Variants in GTF3C3 observed in about 807,000 individuals in gnomAD.
GTF3C3 encodes the protein general transcription factor IIIC subunit 3.
A neutral mutation model predicts 105.2 loss-of-function variants in GTF3C3; 75 were observed. The ratio of observed to expected loss-of-function variants is 0.71; its 90% CI spans 0.59 to 0.86. The LOEUF (loss-of-function observed/expected upper bound fraction) is 0.86, where lower values mean the gene tolerates loss of function less well. Among genes scored for constraint, GTF3C3 ranks in the 40% least tolerant of loss-of-function variants. The pLI is 0.00. For synonymous variants in GTF3C3, 335 were observed against 370.4 expected (o/e 0.90, Z 1.10); for missense variants, 856 against 1,076.5 (o/e 0.80, Z 2.87).
At chr2:196,764,770 G>A (rs1036618954) in intron 17 of GTF3C3, 85 bp from the exon 18 acceptor site, 1 of 1,237,514 alleles carries the variant, frequency 8.1e-7, no homozygotes, top group South Asian at 1.5e-5. Flanking sequence ...TTTTATAAGT[G>A]TAAGTAAGTT....
intron 17 of GTF3C3, among the ~76,000 whole-genome samples, chr2:196,765,256 A>C (rs1674850921): frequency 6.6e-6 from 1 of 152,192 alleles, no homozygotes. Flanking sequence ...CAATGAATTC[A>C]ATGGACTAGA....
At chr2:196,788,801 A>G (rs1046085818) in intron 6 of GTF3C3, among the ~76,000 whole-genome samples, 2 of 152,182 alleles carry the variant, frequency 1.3e-5, no homozygotes, top group Non-Finnish European at 2.9e-5. Flanking sequence ...ACGGTGGCTC[A>G]TATGTGTAAT....
chr2:196,766,917 C>T (rs1699079035), intron 16 of GTF3C3, 200 bp from the exon 17 acceptor site: 2 of 371,400 alleles, frequency 5.4e-6, no homozygotes, highest in Admixed American at 4.4e-5. Context: ...TTTTTTTTAG[C>T]TAGGGATAAA....
intron 13 of GTF3C3, 68 bp from the exon 14 acceptor site, chr2:196,773,221 C>T (rs1223372382): frequency 1.2e-6 from 1 of 863,322 alleles, no homozygotes; most frequent in Non-Finnish European, 1.9e-6. Flanking sequence ...TAGAAAAATT[C>T]ACATCATCAA....
intron 13 of GTF3C3, 114 bp from the exon 14 acceptor site, chr2:196,773,267 GTTGCCA>G (rs1373580229): frequency 4.3e-6 from 3 of 696,764 alleles, no homozygotes; most frequent in Non-Finnish European, 7.6e-6. Flanking sequence ...AGCCTAAATT[GTTGCCA>G]GTGCTCTCCG....
At position 196,782,940 on chromosome 2, in the gene GTF3C3, T is replaced by G. The variant is rs1296497453; in HGVS notation, c.1114+1917A>C. On this transcript the variant is annotated intron_variant, in intron 8 of 17. Coordinates refer to ENST00000263956, the MANE Select transcript of GTF3C3 (RefSeq NM_012086.5). The stretch of plus-strand genomic sequence containing the variant: ...ATCTTTTAAAAAGCTTGTCTTTGTG[T>G]CACTGATACTTTATTCTCCTGAACT... 2.0e-5 allele frequency among the ~76,000 whole-genome samples: 3 copies of G among 152,208 alleles called. No individual in the cohort carries two copies. The South Asian group carries it at 6.2e-4, about 32-fold the overall frequency.
At chr2:196,766,010 C>CAAAAAAAAAAAAAAAAAAAA (rs11424716) in intron 17 of GTF3C3, among the ~76,000 whole-genome samples, 1 of 87,172 alleles carries the variant, frequency 1.1e-5, no homozygotes, top group Non-Finnish European at 2.2e-5. Context: ...ACTCTGTCTC[C>CAAAAAAAAAAAAAAAAAAAA]AAAAAAAAAA....
chr2:196,763,808 A>C lies in GTF3C3; in HGVS notation c.*755T>G, dbSNP rs1699012006. ...TAAACAAACAAAAAAAAAGTTTTTT[A>C]CTTTATCAATCAGCAGTATGTCCTT... On this transcript the variant is annotated 3_prime_UTR_variant, in exon 18 of 18. Transcript: ENST00000263956. 1 of 152,236 alleles carries C rather than the reference A, an allele frequency of 6.6e-6. No homozygotes were observed. The highest frequency in any genetic ancestry group is 2.1e-4 in the South Asian group (1 of 4,830). 9.4% of individuals were successfully genotyped at this position (152,236 alleles called of 1,614,324 possible).
At position 196,775,114 on chromosome 2, in the gene GTF3C3, A is replaced by G; in HGVS notation, c.1831+2T>C. ...ATAACATAATGCAAATGAAGTTATTACCTTTTGCATCACAATTTGCTGACT... is the reference window on the plus strand; with the variant it reads ...ATAACATAATGCAAATGAAGTTATTGCCTTTTGCATCACAATTTGCTGACT... On this transcript the variant is annotated splice_donor_variant, in intron 13 of 17. Coordinates refer to ENST00000263956, the MANE Select transcript of GTF3C3 (RefSeq NM_012086.5). LOFTEE classifies it high-confidence loss of function. 6.2e-7 allele frequency: 1 copy of G among 1,610,474 alleles called. No homozygotes were observed. The highest frequency in any genetic ancestry group is 8.5e-7 in the Non-Finnish European group (1 of 1,177,446).
Position 196,778,924 on chromosome 2 carries a change from G to A in GTF3C3, c.1362C>T (p.Asn454=). Residue 454 remains asparagine (N), a synonymous_variant, in exon 10 of 18, where the codon AAC becomes AAT. Transcript: ENST00000263956. The part of the protein sequence containing the change: ...LSALVCSERY[N]LAVVWLRHAE... ...CATGACGAAGCCAAACTACTGCAAG[G>A]TTGTATCTTTCAGAGCAAACAAGAG... The A allele has an allele frequency of 6.2e-7, 1 of 1,614,064 alleles. No homozygotes were observed. The highest frequency in any genetic ancestry group is 1.7e-5 in the Admixed American group (1 of 60,010).
chr2:196,775,454 T>C (rs1699244518), intron 12 of GTF3C3, among the ~76,000 whole-genome samples: 1 of 152,124 alleles, frequency 6.6e-6, no homozygotes, highest in African/African-American at 2.4e-5. Context: ...AACCTATGGG[T>C]CACAGGTGCC....
rs1413466783 is a variant in GTF3C3 at position 196,770,151 on chromosome 2, T to C, written c.2261-112A>G. 7 of 841,490 alleles carry C rather than the reference T, an allele frequency of 8.3e-6. No individual in the cohort carries two copies. In the African/African-American group the frequency reaches 1.1e-4, roughly 13 times the overall value. The allele number at this position is 841,490 out of a possible 1,614,324, so 52.1% of individuals were successfully genotyped here. ...TTTAACATACATAAGGTGGACATTCTATCTTAAATAGCAACCAGAGACCTA... is the reference window on the plus strand; with the variant it reads ...TTTAACATACATAAGGTGGACATTCCATCTTAAATAGCAACCAGAGACCTA... On this transcript the variant is annotated intron_variant, in intron 15 of 17. Coordinates refer to ENST00000263956, the MANE Select transcript of GTF3C3 (RefSeq NM_012086.5).
In GTF3C3 at chr2:196,793,154, T is replaced by G. The variant is rs749259675; in HGVS notation, c.215-2A>C. 6.3e-7 allele frequency: 1 copy of G among 1,593,202 alleles called. No individual in the cohort carries two copies. The highest frequency in any genetic ancestry group is 8.6e-7 in the Non-Finnish European group (1 of 1,166,276). On this transcript the variant is annotated splice_acceptor_variant, in intron 2 of 17. Coordinates refer to ENST00000263956, the MANE Select transcript of GTF3C3 (RefSeq NM_012086.5). LOFTEE classifies it high-confidence loss of function. Reference sequence around the variant, plus strand: ...TCCTCACTCCATCTGATGTTTCTCCTGAGAAAAGAGACATTGATGGGGGAG... The same window carrying G: ...TCCTCACTCCATCTGATGTTTCTCCGGAGAAAAGAGACATTGATGGGGGAG...
In GTF3C3 at chr2:196,789,229, T is replaced by TA. The variant is rs1377267898; in HGVS notation, c.867dup (p.Met290TyrfsTer5). On this transcript the variant is annotated frameshift_variant, in exon 6 of 18. Coordinates refer to ENST00000263956, the MANE Select transcript of GTF3C3 (RefSeq NM_012086.5). LOFTEE classifies it high-confidence loss of function. Reference sequence around the variant, plus strand: ...TTTGCCATATCTCTAGCCAGCTGCATAAAACGTTCGCCATCAGATGGAGAC... The same window carrying TA: ...TTTGCCATATCTCTAGCCAGCTGCATAAAAACGTTCGCCATCAGATGGAGAC... 6.2e-7 allele frequency: 1 copy of TA among 1,611,080 alleles called. No homozygotes were observed. The highest frequency in any genetic ancestry group is 2.2e-5 in the East Asian group (1 of 44,866).
intron 15 of GTF3C3, among the ~76,000 whole-genome samples, 168 bp from the exon 16 acceptor site, chr2:196,770,207 T>TAAAAC (rs890858827): frequency 2.0e-5 from 3 of 152,212 alleles, no homozygotes; most frequent in African/African-American, 7.2e-5. Context: ...ATGTATAAAA[T>TAAAAC]AAAACAAGTT....
At chr2:196,774,902 T>C (rs1699236565) in intron 13 of GTF3C3, 2 of 367,490 alleles carry the variant, frequency 5.4e-6, no homozygotes, top group South Asian at 1.3e-4. Context: ...TCCAAGCAGA[T>C]GCTTTCCTTT....
At chr2:196,790,886 TA>T (rs899210745) in intron 4 of GTF3C3, among the ~76,000 whole-genome samples, 9 of 151,244 alleles carry the variant, frequency 6.0e-5, no homozygotes, top group African/African-American at 1.2e-4. Context: ...AGTAATTAGT[TA>T]AAAAAAAATC....
intron 16 of GTF3C3, among the ~76,000 whole-genome samples, chr2:196,767,393 A>G (rs565495250): frequency 6.6e-6 from 1 of 152,328 alleles, no homozygotes; most frequent in Admixed American, 6.5e-5. Context: ...TTTATCATTC[A>G]CTGAAATTAC....
chr2:196,778,808 G>C, intron 10 of GTF3C3, 88 bp downstream of exon 10: 1 of 1,175,564 alleles, frequency 8.5e-7, no homozygotes, highest in Middle Eastern at 2.0e-4. Flanking sequence ...AGAAACACTT[G>C]CACTATAATA....
Sources: gnomAD v4.1 joint callset for allele counts (sites outside exome capture counted in the v4.1 genomes callset) on GRCh38, gnomAD v4.1.1 for gene constraint, MANE v1.5 for transcripts, NCBI Gene and HGNC (gene_info 2026-07-23, HGNC 2026-07-21) for gene names.